Variants in RORA observed in about 807,000 individuals in gnomAD.
RORA encodes the protein RAR related orphan receptor A.
RORA carries 7 observed loss-of-function variants against 69.5 expected under a neutral mutation model. That is an observed-to-expected ratio of 0.10 (90% CI 0.06 to 0.19). RORA has a LOEUF of 0.19. Ranked by LOEUF, RORA falls within the 10% of genes least tolerant of loss-of-function variation. The probability of loss-of-function intolerance (pLI) is 1.00; values close to 1 mark genes in which losing one functional copy is unlikely to be tolerated. For synonymous variants in RORA, 261 were observed against 240.8 expected, an observed-to-expected ratio of 1.08 and a Z score of -0.78; for missense variants, 457 against 663.0, an observed-to-expected ratio of 0.69 and a Z score of 3.41.
chr15:60,914,713 T>G (rs1891820552), intron 1 of RORA, among the ~76,000 whole-genome samples: 1 of 152,202 alleles, frequency 6.6e-6, no homozygotes, highest in Non-Finnish European at 1.5e-5. Flanking sequence ...TCTGTGAATG[T>G]GATAAAGAAA....
intron 1 of RORA, among the ~76,000 whole-genome samples, chr15:60,911,625 G>A (rs1891720411): frequency 1.3e-5 from 2 of 151,750 alleles, no homozygotes; most frequent in Non-Finnish European, 2.9e-5. Flanking sequence ...ATTCTTTAAT[G>A]AGTAAGTAAA....
chr15:61,027,514 C>T (rs554374186), intron 1 of RORA, among the ~76,000 whole-genome samples: 136 of 152,296 alleles, frequency 8.9e-4, no homozygotes, highest in Admixed American at 1.6e-3. Flanking sequence ...TTATCCCCAT[C>T]TTTAAAATTA....
chr15:60,541,545 A>G lies in RORA; in HGVS notation c.197-9694T>C, dbSNP rs866367646. Among the ~76,000 whole-genome samples, 20 of 152,332 alleles carry G rather than the reference A, an allele frequency of 1.3e-4. 1 individual carries two copies. The highest frequency in any genetic ancestry group is 6.2e-4 in the South Asian group (3 of 4,828). On this transcript the variant is annotated intron_variant, in intron 2 of 10. Coordinates refer to ENST00000335670, the MANE Select transcript of RORA (RefSeq NM_134261.3). ...CTGAAGCACAGTTATTTCTGTGCCT[A>G]TTCCCAAGGGGAAGTGGCAGGAGCT... is the stretch of plus-strand genomic sequence containing the variant.
chr15:61,155,976 C>T (rs1015625119), intron 1 of RORA, among the ~76,000 whole-genome samples: 5 of 152,154 alleles, frequency 3.3e-5, no homozygotes, highest in African/African-American at 1.2e-4. Flanking sequence ...ACACCGTTGA[C>T]GTCTCAGAAC....
At chr15:60,698,057 C>T (rs970679638) in intron 1 of RORA, among the ~76,000 whole-genome samples, 9 of 152,162 alleles carry the variant, frequency 5.9e-5, no homozygotes, top group East Asian at 3.8e-4. Context: ...AAAACACTTC[C>T]GTGTCTGTAG....
intron 2 of RORA, among the ~76,000 whole-genome samples, chr15:60,651,769 G>T (rs1385510825): frequency 6.6e-6 from 1 of 152,142 alleles, no homozygotes; most frequent in African/African-American, 2.4e-5. Context: ...CTCCCTTGCA[G>T]AGTTTTGAAC....
At chr15:60,684,088 C>CT (rs577772010) in intron 1 of RORA, among the ~76,000 whole-genome samples, 1 of 150,656 alleles carries the variant, frequency 6.6e-6, no homozygotes, top group Non-Finnish European at 1.5e-5. Flanking sequence ...GTTAATTTTA[C>CT]TTTTTTTTCT....
In RORA at chr15:61,062,681, A is replaced by G. The variant is rs150531284; in HGVS notation, c.166+166372T>C. Among the ~76,000 whole-genome samples, 852 of 152,270 alleles carry G rather than the reference A, an allele frequency of 5.6e-3. 7 individuals are homozygous for G. Among genetic ancestry groups the G allele is most frequent in the African/African-American group, 0.019 (809 of 41,536 alleles). On this transcript the variant is annotated intron_variant, in intron 1 of 10. Transcript: ENST00000335670. ...ATATGTATATTAATTTATGTATTCA[A>G]TGTATGCTCAGCATTCCTATCTGGA...
At chr15:61,150,582 A>AATAT (rs1281274907) in intron 1 of RORA, among the ~76,000 whole-genome samples, 5 of 152,212 alleles carry the variant, frequency 3.3e-5, no homozygotes, top group African/African-American at 1.2e-4. Context: ...AATATACAAA[A>AATAT]AGGCTCTTGC....
At chr15:60,524,819 T>A (rs1483174209) in intron 3 of RORA, among the ~76,000 whole-genome samples, 2 of 152,258 alleles carry the variant, frequency 1.3e-5, no homozygotes, top group Non-Finnish European at 2.9e-5. Flanking sequence ...TTTGCCATCA[T>A]TATTTGCAAT....
At chr15:60,944,694 CA>C (rs58523588) in intron 1 of RORA, among the ~76,000 whole-genome samples, 41,251 of 96,166 alleles carry the variant, frequency 0.43, 6,211 homozygotes, top group Middle Eastern at 0.56. Flanking sequence ...CACTGTACTC[CA>C]AAAAAAAAAA....
chr15:60,807,270 G>A (rs2072672941), intron 1 of RORA, among the ~76,000 whole-genome samples: 1 of 152,064 alleles, frequency 6.6e-6, no homozygotes, highest in Non-Finnish European at 1.5e-5. Context: ...CACCAACAAT[G>A]ACCAAGCTGA....
intron 1 of RORA, among the ~76,000 whole-genome samples, chr15:60,928,312 G>T (rs899114741): frequency 6.6e-6 from 1 of 152,160 alleles, no homozygotes; most frequent in African/African-American, 2.4e-5. Flanking sequence ...TCAAGTAAAT[G>T]AGGGTTTCTT....
At chr15:60,542,627 TGCACACCTCACACACGACACACGG>T (rs1567073447) in intron 2 of RORA, among the ~76,000 whole-genome samples, 3 of 61,664 alleles carry the variant, frequency 4.9e-5, no homozygotes, top group Non-Finnish European at 8.7e-5. Context: ...ACGGCACACA[TGCACACCTCACACACGACACACGG>T]GCACACCTCA....
At chr15:60,707,894 C>T (rs1375618278) in intron 1 of RORA, among the ~76,000 whole-genome samples, 1 of 152,218 alleles carries the variant, frequency 6.6e-6, no homozygotes, top group Admixed American at 6.5e-5. Context: ...GGGGCACATA[C>T]TAAGTTCTTC....
chr15:61,013,596 C>G (rs1895164042), intron 1 of RORA, among the ~76,000 whole-genome samples: 1 of 152,120 alleles, frequency 6.6e-6, no homozygotes, highest in African/African-American at 2.4e-5. Context: ...AGCCTGTTAC[C>G]TATTAGGCCA....
intron 1 of RORA, among the ~76,000 whole-genome samples, chr15:60,766,671 C>CT (rs35501090): frequency 3.2e-4 from 47 of 147,986 alleles, no homozygotes; most frequent in Non-Finnish European, 3.9e-4. Context: ...ACAGACTGCA[C>CT]TTTTTTTTTT....
chr15:60,834,758 G>A (rs540425876), intron 1 of RORA, among the ~76,000 whole-genome samples: 1 of 152,254 alleles, frequency 6.6e-6, no homozygotes, highest in Admixed American at 6.5e-5. Flanking sequence ...AAGTCATTTT[G>A]TTCGCATCTG....
intron 1 of RORA, among the ~76,000 whole-genome samples, chr15:61,023,221 C>T (rs1190028727): frequency 7.5e-6 from 1 of 132,582 alleles, no homozygotes; most frequent in Non-Finnish European, 1.6e-5. Flanking sequence ...ACTGACAAAA[C>T]TTGTATTAGT....
Sources: gnomAD v4.1 joint callset for allele counts (sites outside exome capture counted in the v4.1 genomes callset) on GRCh38, gnomAD v4.1.1 for gene constraint, MANE v1.5 for transcripts, NCBI Gene and HGNC (gene_info 2026-07-23, HGNC 2026-07-21) for gene names.